The following ACTG1 variants were observed in gnomAD, a reference collection of about 807,000 sequenced individuals.
ACTG1 encodes the protein actin, cytoplasmic 2.
In ACTG1, 14 loss-of-function variants were observed where a neutral mutation model predicts 34.3. The ratio of observed to expected loss-of-function variants is 0.41; its 90% CI spans 0.27 to 0.64. The LOEUF is 0.64. Among genes scored for constraint, ACTG1 ranks in the 30% least tolerant of loss-of-function variants. The pLI is 0.33. For missense variants in ACTG1, 233 were observed against 529.5 expected, an observed-to-expected ratio of 0.44 and a Z score of 5.50; for synonymous variants, 422 against 213.9, an observed-to-expected ratio of 1.97 and a Z score of -8.49.
In ACTG1 at chr17:81,510,208, G is replaced by C. The variant is rs1140383; in HGVS notation, c.*482C>G. On this transcript the variant is annotated 3_prime_UTR_variant, in exon 6 of 6. Coordinates refer to ENST00000573283, the MANE Select transcript of ACTG1 (RefSeq NM_001614.5). ...TGTTCTGGCCAAAGACATCAGCTAA[G>C]AAAGGAAACTGGGTCCTACGGCTTG... 3.8e-6 allele frequency: 2 copies of C among 527,746 alleles called. No homozygotes were observed. The highest frequency in any genetic ancestry group is 4.7e-5 in the Admixed American group (2 of 42,396). 32.7% of individuals were successfully genotyped at this position (527,746 alleles called of 1,614,324 possible).
At position 81,511,274 on chromosome 17, in the gene ACTG1, C is replaced by T. The variant is rs2031752203; in HGVS notation, c.716G>A (p.Ser239Asn). ...GACCTGGCCATCGGGCAGCTCGTAG[C>T]TCTTCTCCAGAGAAGAGGAGGATGC... ...TAASSSSLEK[S>N]YELPDGQVIT... Residue 239 changes from serine to asparagine, a missense_variant, in exon 4 of 6, where the codon AGC (serine) becomes AAC (asparagine). By Grantham distance (46) the Ser-to-Asn change is conservative (BLOSUM62 1). Coordinates refer to ENST00000573283, the MANE Select transcript of ACTG1 (RefSeq NM_001614.5). The T allele has an allele frequency of 6.2e-7, 1 of 1,613,828 alleles. No homozygotes were observed.
At chr17:81,510,892 G>A (rs782744712) in intron 5 of ACTG1, 35 bp downstream of exon 5, 13 of 1,613,574 alleles carry the variant, frequency 8.1e-6, no homozygotes, top group Admixed American at 3.3e-5. Context: ...CAGCTCTCCC[G>A]AGCCAGGCAG....
rs2143777781 is a variant in ACTG1, at chr17:81,511,335, C to T, written c.655G>A (p.Val219Ile). The T allele has an allele frequency of 1.9e-6, 3 of 1,613,868 alleles. No individual in the cohort carries two copies. Among genetic ancestry groups the T allele is most frequent in the Non-Finnish European group, 2.5e-6 (3 of 1,180,038 alleles). The change falls in exon 4 of 6, where the codon GTC (valine) becomes ATC (isoleucine). Residue 219 changes from valine to isoleucine, a missense_variant. Val to Ile is a conservative substitution (Grantham distance 29). Transcript: ENST00000573283. ...ATCTCCTGCTCGAAGTCCAGGGCGA[C>T]GTAGCACAGCTTCTCCTTGATGTCG... ...VRDIKEKLCY[V>I]ALDFEQEMAT...
Position 81,512,265 on chromosome 17 carries a change from C to G in ACTG1, c.90G>C (p.Val30=). 6.2e-7 allele frequency: 1 copy of G among 1,613,858 alleles called. No homozygotes were observed. Among genetic ancestry groups the G allele is most frequent in the Non-Finnish European group, 8.5e-7 (1 of 1,179,968 alleles). ...TGGGGCGCCCGACGATGGAAGGAAA[C>G]ACGGCTCGGGGAGCGTCGTCCCCAG... ...GFAGDDAPRA[V]FPSIVGRPRH... is the part of the protein sequence containing the mutation. The change falls in exon 2 of 6, where the codon GTG becomes GTC. Residue 30 remains valine (V), a synonymous_variant. Coordinates refer to ENST00000573283, the MANE Select transcript of ACTG1 (RefSeq NM_001614.5).
chr17:81,512,570 G>T, intron 1 of ACTG1, 164 bp downstream of exon 1: 1 of 770,814 alleles, frequency 1.3e-6, no homozygotes, highest in Non-Finnish European at 2.1e-6. Flanking sequence ...GCCCCGCCCT[G>T]GACCCCCGGC....
At chr17:81,511,849 C>T in intron 3 of ACTG1, 54 bp downstream of exon 3, 2 of 1,610,640 alleles carry the variant, frequency 1.2e-6, no homozygotes, top group Non-Finnish European at 1.7e-6. Context: ...TCAAGCCGGG[C>T]AGAAAATGAC....
rs374818782 is a variant in ACTG1, at chr17:81,511,645, C to A, written c.364-19G>T. 159 of 1,609,816 alleles carry A rather than the reference C, an allele frequency of 9.9e-5. No individual in the cohort carries two copies. Among genetic ancestry groups the A allele is most frequent in the Non-Finnish European group, 1.2e-4 (145 of 1,178,044 alleles). On this transcript the variant is annotated intron_variant, in intron 3 of 5. Coordinates refer to ENST00000573283, the MANE Select transcript of ACTG1 (RefSeq NM_001614.5). ...ACATAATCTGAGAAGGGACAAGGGG[C>A]GGCTTAGTCAGGGACAGAGACCCAC... is the stretch of plus-strand genomic sequence containing the variant.
At chr17:81,512,181 A>C in intron 2 of ACTG1, 39 bp from the exon 3 acceptor site, 1 of 1,613,138 alleles carries the variant, frequency 6.2e-7, no homozygotes, top group Non-Finnish European at 8.5e-7. Flanking sequence ...GGCGACACCG[A>C]ACCCACCCCG....
rs782250894 is a variant in ACTG1 at position 81,510,665 on chromosome 17, A to T, written c.*25T>A. On this transcript the variant is annotated 3_prime_UTR_variant, in exon 6 of 6. Coordinates refer to ENST00000573283, the MANE Select transcript of ACTG1 (RefSeq NM_001614.5). ...CTATTCTCAATTAACCCATGCAGCA[A>T]ATGCTACGCATCTGCTGAGTCCGTT... The T allele has an allele frequency of 6.2e-7, 1 of 1,613,078 alleles. No individual in the cohort carries two copies. The highest frequency in any genetic ancestry group is 8.5e-7 in the Non-Finnish European group (1 of 1,179,664).
In ACTG1 at chr17:81,511,299, C is replaced by T. The variant is rs782750797; in HGVS notation, c.691G>A (p.Ala231Thr). The change falls in exon 4 of 6, where the codon GCA (alanine) becomes ACA (threonine). Residue 231 changes from alanine to threonine, a missense_variant. Ala to Thr is a moderately conservative substitution (Grantham distance 58, BLOSUM62 0). Coordinates refer to ENST00000573283, the MANE Select transcript of ACTG1 (RefSeq NM_001614.5). The part of the protein sequence containing the change: ...LDFEQEMATA[A>T]SSSSLEKSYE... ...CTCTTCTCCAGAGAAGAGGAGGATGCGGCGGTGGCCATCTCCTGCTCGAAG... is the reference window on the plus strand; with the variant it reads ...CTCTTCTCCAGAGAAGAGGAGGATGTGGCGGTGGCCATCTCCTGCTCGAAG... 6 of 1,613,786 alleles carry T rather than the reference C, an allele frequency of 3.7e-6. No individual in the cohort carries two copies. Among genetic ancestry groups the T allele is most frequent in the Non-Finnish European group, 5.1e-6 (6 of 1,180,040 alleles).
At position 81,511,053 on chromosome 17, in the gene ACTG1, G is replaced by A. The variant is rs201277295; in HGVS notation, c.858C>T (p.Asp286=). Residue 286 remains aspartate (D), a synonymous_variant, in exon 5 of 6, where the codon GAC becomes GAT. Transcript: ENST00000573283. ...ETTFNSIMKC[D]VDIRKDLYAN... ...CGTACAGGTCTTTGCGGATGTCCAC[G>A]TCACACTTCATGATGGAGTTGAAGG... 8.5e-5 allele frequency: 137 copies of A among 1,613,932 alleles called. No individual in the cohort carries two copies. The highest frequency in any genetic ancestry group is 1.1e-4 in the African/African-American group (8 of 74,926).
At position 81,510,610 on chromosome 17, in the gene ACTG1, G is replaced by A. The variant is rs782024807; in HGVS notation, c.*80C>T. 7.7e-6 allele frequency: 12 copies of A among 1,560,590 alleles called. No homozygotes were observed. The highest frequency in any genetic ancestry group is 1.1e-5 in the South Asian group (1 of 90,042). On this transcript the variant is annotated 3_prime_UTR_variant, in exon 6 of 6. Coordinates refer to ENST00000573283, the MANE Select transcript of ACTG1 (RefSeq NM_001614.5). ...TATTCCAGTTTCGTGAGGCTAGCAT[G>A]AGGTGTGTGCATTTGCCAGGGGCAA...
rs1335879296 is a variant in ACTG1, at chr17:81,510,843, C to G, written c.985-10G>C. Reference sequence around the variant, plus strand: ...CTGGGGGTGCGATGATCTGCAAAGACAGCCAGGCACGGCTTCAGCTCACAG... The same window carrying G: ...CTGGGGGTGCGATGATCTGCAAAGAGAGCCAGGCACGGCTTCAGCTCACAG... On this transcript the variant is annotated splice_polypyrimidine_tract_variant and intron_variant, in intron 5 of 5. Coordinates refer to ENST00000573283, the MANE Select transcript of ACTG1 (RefSeq NM_001614.5). 7 of 1,612,696 alleles carry G rather than the reference C, an allele frequency of 4.3e-6. No homozygotes were observed. Among genetic ancestry groups the G allele is most frequent in the Non-Finnish European group, 5.9e-6 (7 of 1,179,862 alleles).
chr17:81,511,890 G>C lies in ACTG1; in HGVS notation c.363+13C>G. 6.2e-7 allele frequency: 1 copy of C among 1,613,716 alleles called. No individual in the cohort carries two copies. The highest frequency in any genetic ancestry group is 8.5e-7 in the Non-Finnish European group (1 of 1,179,862). Reference sequence around the variant, plus strand: ...AAAGGACGGGAGGAGCACGGGCGTCGGCCGAGCCTCACCTGAGTCATCTTC... The same window carrying C: ...AAAGGACGGGAGGAGCACGGGCGTCCGCCGAGCCTCACCTGAGTCATCTTC... On this transcript the variant is annotated intron_variant, in intron 3 of 5. Transcript: ENST00000573283.
rs1555666640 is a variant in ACTG1 at position 81,511,272 on chromosome 17, A to G, written c.718T>C (p.Tyr240His). 1 of 1,613,844 alleles carries G rather than the reference A, an allele frequency of 6.2e-7. No individual in the cohort carries two copies. The highest frequency in any genetic ancestry group is 8.5e-7 in the Non-Finnish European group (1 of 1,180,044). ...AASSSSLEKS[Y>H]ELPDGQVITI... is the part of the protein sequence containing the mutation. ...ATGACCTGGCCATCGGGCAGCTCGT[A>G]GCTCTTCTCCAGAGAAGAGGAGGAT... The change falls in exon 4 of 6, where the codon TAC becomes CAC. Residue 240 changes from tyrosine to histidine, a missense_variant. Physicochemically the swap from Tyr to His is moderately conservative, Grantham distance 83. Coordinates refer to ENST00000573283, the MANE Select transcript of ACTG1 (RefSeq NM_001614.5).
At position 81,511,008 on chromosome 17, in the gene ACTG1, G is replaced by T. The variant is rs201963572; in HGVS notation, c.903C>A (p.Gly301=). 4.3e-6 allele frequency: 7 copies of T among 1,613,860 alleles called. No homozygotes were observed. The highest frequency in any genetic ancestry group is 2.2e-5 in the East Asian group (1 of 44,902). ...KDLYANTVLS[G]GTTMYPGIAD... ...CAATGCCCGGGTACATGGTGGTGCCGCCCGACAGCACCGTGTTGGCGTACA... is the reference window on the plus strand; with the variant it reads ...CAATGCCCGGGTACATGGTGGTGCCTCCCGACAGCACCGTGTTGGCGTACA... The change falls in exon 5 of 6, where the codon GGC becomes GGA. Residue 301 remains glycine, a synonymous_variant. Coordinates refer to ENST00000573283, the MANE Select transcript of ACTG1 (RefSeq NM_001614.5).
Position 81,512,062 on chromosome 17 carries a change from C to T in ACTG1, c.204G>A (p.Lys68=), listed in dbSNP as rs536366580. ...AQSKRGILTL[K]YPIEHGIVTN... ...TGACGATGCCATGCTCAATGGGGTA[C>T]TTCAGGGTCAGGATGCCACGCTTGC... Residue 68 remains lysine, a synonymous_variant, in exon 3 of 6, where the codon AAG becomes AAA. Transcript: ENST00000573283. 1 of 1,614,012 alleles carries T rather than the reference C, an allele frequency of 6.2e-7. No individual in the cohort carries two copies. Among genetic ancestry groups the T allele is most frequent in the East Asian group, 2.2e-5 (1 of 44,882 alleles).
Position 81,511,114 on chromosome 17 carries a change from G to A in ACTG1, c.803-6C>T, listed in dbSNP as rs199600452. On this transcript the variant is annotated splice_polypyrimidine_tract_variant and splice_region_variant and intron_variant, in intron 4 of 5. Transcript: ENST00000573283. ...GATGCCGCAAGATTCCATACCTAGG[G>A]GACAGAGCCCTCCCTTAGTGATGCT... The A allele has an allele frequency of 3.3e-4, 527 of 1,613,938 alleles. 2 individuals are homozygous for A. The African/African-American group carries it at 5.0e-3, about 15-fold the overall frequency.
In ACTG1 at chr17:81,512,074, G is replaced by T. The variant is rs138240892; in HGVS notation, c.192C>A (p.Ile64=). The T allele has an allele frequency of 4.3e-6, 7 of 1,613,852 alleles. No homozygotes were observed. The African/African-American group carries it at 8.0e-5, about 18-fold the overall frequency. ...GCTCAATGGGGTACTTCAGGGTCAGGATGCCACGCTTGCTCTGGGCCTCGT... is the reference window on the plus strand; with the variant it reads ...GCTCAATGGGGTACTTCAGGGTCAGTATGCCACGCTTGCTCTGGGCCTCGT... ...VGDEAQSKRG[I]LTLKYPIEHG... is the part of the protein sequence containing the mutation. The change falls in exon 3 of 6, where the codon ATC becomes ATA. Residue 64 remains isoleucine, a synonymous_variant. Transcript: ENST00000573283.
Sources: gnomAD v4.1 joint callset for allele counts on GRCh38, gnomAD v4.1.1 for gene constraint, MANE v1.5 for transcripts, NCBI Gene and HGNC (gene_info 2026-07-23, HGNC 2026-07-21) for gene names.